Variants in NTAQ1 observed in about 807,000 individuals in gnomAD.
The protein encoded by NTAQ1 is protein N-terminal glutamine amidohydrolase.
NTAQ1 carries 21 observed loss-of-function variants against 28.2 expected under a neutral mutation model. The observed-to-expected ratio is 0.74, with a 90% CI of 0.53 to 1.07. NTAQ1 has a LOEUF of 1.07. Among genes scored for constraint, NTAQ1 ranks in the 50% least tolerant of loss-of-function variants. The pLI, the probability that NTAQ1 is intolerant of heterozygous loss-of-function variation, is 0.00. For synonymous variants in NTAQ1, 105 were observed against 90.0 expected (o/e 1.17, Z -0.94); for missense variants, 264 against 256.6 (o/e 1.03, Z -0.20).
At chr8:123,425,054 C>T (rs984848830) in intron 1 of NTAQ1, among the ~76,000 whole-genome samples, 3 of 152,096 alleles carry the variant, frequency 2.0e-5, no homozygotes, top group South Asian at 2.1e-4. Flanking sequence ...TTTATTGTGA[C>T]GTAATATGAC....
At chr8:123,422,520 T>G (rs1473263642) in intron 1 of NTAQ1, among the ~76,000 whole-genome samples, 1 of 151,842 alleles carries the variant, frequency 6.6e-6, no homozygotes, top group Non-Finnish European at 1.5e-5. Context: ...CAAGTGATCT[T>G]CCTGCCTGGG....
intron 3 of NTAQ1, 126 bp downstream of exon 3, chr8:123,430,159 G>C (rs1814310820): frequency 1.8e-6 from 1 of 565,510 alleles, no homozygotes. Context: ...TTAATAAATT[G>C]ACCTTTTGAG....
intron 5 of NTAQ1, among the ~76,000 whole-genome samples, chr8:123,440,146 CTTTTTTTTTTTTTTTT>C: frequency 1.8e-5 from 1 of 56,572 alleles, no homozygotes; most frequent in South Asian, 9.8e-4. Context: ...GGATTAACTC[CTTTTTTTTTTTTTTTT>C]TTTTTTTTTT....
chr8:123,417,724 A>G (rs1401014097), intron 1 of NTAQ1, among the ~76,000 whole-genome samples: 9 of 152,052 alleles, frequency 5.9e-5, no homozygotes, highest in East Asian at 1.9e-4. Flanking sequence ...CACTAAACCA[A>G]TGCCACCAAG....
chr8:123,442,650 T>C (rs904845299), downstream of NTAQ1, among the ~76,000 whole-genome samples: 4 of 150,704 alleles, frequency 2.7e-5, no homozygotes, highest in African/African-American at 7.3e-5. Flanking sequence ...CTCCACCTTA[T>C]GGAGGGTACA....
At chr8:123,452,673 G>A (rs1370049633), downstream of NTAQ1, among the ~76,000 whole-genome samples, 1 of 151,886 alleles carries the variant, frequency 6.6e-6, no homozygotes, top group Admixed American at 6.6e-5. Context: ...AGGCCTAGGC[G>A]GGCGGATCAC....
chr8:123,472,243 CT>C (rs963795644), downstream of NTAQ1, among the ~76,000 whole-genome samples: 11 of 152,176 alleles, frequency 7.2e-5, no homozygotes, highest in African/African-American at 2.7e-4. Flanking sequence ...CTCCTTTGCC[CT>C]TCCTCCTTAC....
intron 6 of NTAQ1, among the ~76,000 whole-genome samples, chr8:123,447,341 TG>T (rs1485771473): frequency 1.5e-5 from 2 of 129,108 alleles, no homozygotes; most frequent in African/African-American, 5.6e-5. Flanking sequence ...TATATGAACG[TG>T]TTCTTTTTTA....
chr8:123,419,964 A>G (rs1340541097), intron 1 of NTAQ1, among the ~76,000 whole-genome samples: 1 of 151,970 alleles, frequency 6.6e-6, no homozygotes, highest in Non-Finnish European at 1.5e-5. Context: ...GGTTTGTTAC[A>G]TGGGTAAAGT....
intron 1 of NTAQ1, among the ~76,000 whole-genome samples, chr8:123,419,692 G>C (rs1338780814): frequency 1.3e-5 from 2 of 150,466 alleles, no homozygotes; most frequent in Non-Finnish European, 2.9e-5. Flanking sequence ...CAACCTTTCT[G>C]CTGCCAAGAT....
chr8:123,444,882 G>A (rs1187153123), downstream of NTAQ1, among the ~76,000 whole-genome samples: 1 of 152,186 alleles, frequency 6.6e-6, no homozygotes, highest in African/African-American at 2.4e-5. Flanking sequence ...ACACCAAGGA[G>A]TTGGGAAGCA....
rs189873993 is a variant in NTAQ1, at chr8:123,440,837, C to G, written c.509-469C>G. Among the ~76,000 whole-genome samples the G allele has an allele frequency of 2.6e-3, 401 of 152,244 alleles. 2 individuals carry two copies. The highest frequency in any genetic ancestry group is 3.5e-3 in the Non-Finnish European group (239 of 68,000). ...TTCATCGAGGGCTAATTTAGCCCCC[C>G]TACTCTGACATGACCCTTCTGAGGA... On this transcript the variant is annotated intron_variant, in intron 5 of 5. Transcript: ENST00000287387.
At chr8:123,418,507 AAT>A (rs1434681037) in intron 1 of NTAQ1, among the ~76,000 whole-genome samples, 10 of 152,206 alleles carry the variant, frequency 6.6e-5, no homozygotes, top group Non-Finnish European at 1.3e-4. Context: ...GGTGATGTTA[AAT>A]ACTATGAGAA....
intron 3 of NTAQ1, chr8:123,435,569 T>C (rs1814654583): frequency 1.0e-6 from 1 of 978,308 alleles, no homozygotes. Flanking sequence ...AGATAGCTTT[T>C]AACAAATAGC....
chr8:123,429,770 C>T (rs1449664873), intron 2 of NTAQ1, among the ~76,000 whole-genome samples: 1 of 151,556 alleles, frequency 6.6e-6, no homozygotes, highest in African/African-American at 2.4e-5. Context: ...ATCCCAGCTA[C>T]TTGGGAAACT....
At chr8:123,444,486 C>T (rs780500088), downstream of NTAQ1, among the ~76,000 whole-genome samples, 63 of 152,068 alleles carry the variant, frequency 4.1e-4, no homozygotes, top group Non-Finnish European at 7.5e-4. Context: ...AGGTATGAAC[C>T]ATAGTGCCTG....
intron 3 of NTAQ1, among the ~76,000 whole-genome samples, chr8:123,432,354 T>A (rs1254645088): frequency 6.6e-6 from 1 of 152,080 alleles, no homozygotes; most frequent in African/African-American, 2.4e-5. Context: ...CTATAATAAT[T>A]TCAGGTTGGG....
chr8:123,432,903 C>G (rs1586942723), intron 3 of NTAQ1, among the ~76,000 whole-genome samples: 1 of 152,240 alleles, frequency 6.6e-6, no homozygotes, highest in East Asian at 1.9e-4. Context: ...TGATCTCGAA[C>G]TCCTGACCTC....
At chr8:123,467,819 G>A (rs1003973354) in exon 7 of NTAQ1, among the ~76,000 whole-genome samples, 5 of 152,122 alleles carry the variant, frequency 3.3e-5, no homozygotes, top group Admixed American at 1.3e-4. Context: ...GCACGGTCTC[G>A]GCTCACTGCA....
Sources: gnomAD v4.1 joint callset for allele counts (sites outside exome capture counted in the v4.1 genomes callset) on GRCh38, gnomAD v4.1.1 for gene constraint, MANE v1.5 for transcripts, NCBI Gene and HGNC (gene_info 2026-07-23, HGNC 2026-07-21) for gene names.